The following TMEM184B variants were observed in gnomAD, a reference collection of about 807,000 sequenced individuals.
TMEM184B encodes the protein putative MAPK-activating protein FM08.
In TMEM184B, 17 loss-of-function variants were observed where a neutral mutation model predicts 41.8. The observed-to-expected ratio is 0.41, with a 90% CI of 0.28 to 0.61. The LOEUF (loss-of-function observed/expected upper bound fraction) is 0.61, where lower values mean the gene tolerates loss of function less well. Among genes scored for constraint, TMEM184B ranks in the 20% least tolerant of loss-of-function variants. The pLI is 0.34. For missense variants in TMEM184B, 393 were observed against 557.8 expected (o/e 0.70, Z 2.98); for synonymous variants, 240 against 229.5 (o/e 1.05, Z -0.41).
chr22:38,250,981 G>C (rs1052813768), intron 1 of TMEM184B, among the ~76,000 whole-genome samples: 2 of 152,124 alleles, frequency 1.3e-5, no homozygotes, highest in Non-Finnish European at 1.5e-5. Flanking sequence ...AGGACTCAAG[G>C]CCAGGTCCTA....
chr22:38,230,627 G>A (rs371876462), intron 5 of TMEM184B, 42 bp downstream of exon 5: 102 of 1,582,796 alleles, frequency 6.4e-5, no homozygotes, highest in African/African-American at 5.9e-4. Flanking sequence ...CCCAGACCCC[G>A]CCCTGCTCCT....
intron 1 of TMEM184B, among the ~76,000 whole-genome samples, chr22:38,261,117 T>G (rs2092363292): frequency 6.6e-6 from 1 of 152,204 alleles, no homozygotes; most frequent in African/African-American, 2.4e-5. Flanking sequence ...ACAACGGGAA[T>G]GACAGCCGGC....
At chr22:38,254,955 A>C (rs2092249564) in intron 1 of TMEM184B, among the ~76,000 whole-genome samples, 1 of 150,182 alleles carries the variant, frequency 6.7e-6, no homozygotes, top group Non-Finnish European at 1.5e-5. Context: ...GGGTTCAAGC[A>C]ATTCTCTGCC....
At chr22:38,248,167 G>T in intron 1 of TMEM184B, 148 bp from the exon 2 acceptor site, 1 of 1,089,356 alleles carries the variant, frequency 9.2e-7, no homozygotes, top group Non-Finnish European at 1.3e-6. Context: ...CCCCTGGATT[G>T]ATGCAACAGG....
At chr22:38,223,720 C>T (rs1173167352) in intron 8 of TMEM184B, 1 of 152,410 alleles carries the variant, frequency 6.6e-6, no homozygotes, top group African/African-American at 2.4e-5. Flanking sequence ...CCCCTCTCCC[C>T]AGTCCCTCCT....
chr22:38,248,383 G>A (rs766208468), intron 1 of TMEM184B, among the ~76,000 whole-genome samples: 1 of 152,208 alleles, frequency 6.6e-6, no homozygotes, highest in Non-Finnish European at 1.5e-5. Context: ...AGCTCCTACA[G>A]TTCCCACTTC....
At position 38,241,945 on chromosome 22, in the gene TMEM184B, T is replaced by C. The variant is rs2091919788; in HGVS notation, c.358+3990A>G. Among the ~76,000 whole-genome samples the C allele has an allele frequency of 2.1e-5, 3 of 139,550 alleles. No individual in the cohort carries two copies. The Admixed American group carries it at 2.2e-4, about 10-fold the overall frequency. The allele number at this position is 139,550 out of a possible 152,430, so 91.6% of individuals were successfully genotyped here. ...TCTCTTAAACAAAGCCCTTCCATAG[T>C]AGGAAGTCACCATGTAACATCATAT... On this transcript the variant is annotated intron_variant, in intron 3 of 8. Coordinates refer to ENST00000361906, the MANE Select transcript of TMEM184B (RefSeq NM_012264.5).
rs1469074283 is a variant in TMEM184B, at chr22:38,239,144, A to G, written c.358+6791T>C. On this transcript the variant is annotated intron_variant, in intron 3 of 8. Transcript: ENST00000361906. This position sits in a 1 kb window ranked among gnomAD's most constrained non-coding sequence, Gnocchi z 4.6. ...AACCCCACAATCAAACACTGAATGC[A>G]TATGGGGGGTGGTTCCCACCCTGCC... Among the ~76,000 whole-genome samples, 2 of 152,168 alleles carry G rather than the reference A, an allele frequency of 1.3e-5. No individual in the cohort carries two copies. Among genetic ancestry groups the G allele is most frequent in the South Asian group, 2.1e-4 (1 of 4,828 alleles).
downstream of TMEM184B, among the ~76,000 whole-genome samples, chr22:38,217,456 C>T (rs577226243): frequency 2.0e-3 from 277 of 135,624 alleles, no homozygotes; most frequent in Non-Finnish European, 3.0e-3. Flanking sequence ...CTGGCTAACA[C>T]GGTGAAACCC....
intron 2 of TMEM184B, 140 bp downstream of exon 2, chr22:38,247,630 T>G: frequency 8.9e-7 from 1 of 1,117,616 alleles, no homozygotes; most frequent in Non-Finnish European, 1.2e-6. Flanking sequence ...AGAAGTAGAC[T>G]TCTATCGAGG....
intron 8 of TMEM184B, chr22:38,223,789 A>C (rs1036879329): frequency 2.0e-5 from 3 of 152,848 alleles, no homozygotes; most frequent in African/African-American, 4.8e-5. Context: ...CCCATCCTCC[A>C]AGGACAACCC....
chr22:38,254,579 G>A (rs1373762375), intron 1 of TMEM184B, among the ~76,000 whole-genome samples: 3 of 152,100 alleles, frequency 2.0e-5, no homozygotes, highest in South Asian at 2.1e-4. Flanking sequence ...CAGCCTGGGC[G>A]ACAGAGCAAG....
At chr22:38,247,325 G>C (rs2092055065) in intron 2 of TMEM184B, among the ~76,000 whole-genome samples, 1 of 152,240 alleles carries the variant, frequency 6.6e-6, no homozygotes, top group South Asian at 2.1e-4. Flanking sequence ...GTCACCTCTG[G>C]CTGGAGGTGG....
At position 38,226,082 on chromosome 22, in the gene TMEM184B, T is replaced by A. The variant is rs974111639; in HGVS notation, c.618-489A>T. 6.6e-6 allele frequency among the ~76,000 whole-genome samples: 1 copy of A among 151,794 alleles called. No homozygotes were observed. The highest frequency in any genetic ancestry group is 1.5e-5 in the Non-Finnish European group (1 of 67,920). On this transcript the variant is annotated intron_variant, in intron 6 of 8. Coordinates refer to ENST00000361906, the MANE Select transcript of TMEM184B (RefSeq NM_012264.5). The surrounding 1 kb of genome is among the most constrained non-coding windows in gnomAD (Gnocchi z 4.6). ...AGGGCTAGACACATGGTCACTTTTT[T>A]TTTTTTTTTTTTTAGATATGGAGTT...
chr22:38,245,902 CGCCAGCCCT>C, intron 3 of TMEM184B, 24 bp downstream of exon 3: 12 of 1,438,766 alleles, frequency 8.3e-6, no homozygotes, highest in Admixed American at 1.8e-5. Context: ...CCCAGCCCCC[CGCCAGCCCT>C]CCCCACTCCG....
chr22:38,225,407 G>C lies in TMEM184B; in HGVS notation c.787+17C>G. ...AGGGTGGCATGGGCAGCCTCCAGGT[G>C]CTGGGAGGGGGCTCACCTTGCCAGA... On this transcript the variant is annotated intron_variant, in intron 7 of 8. Transcript: ENST00000361906. This position sits in a 1 kb window ranked among gnomAD's most constrained non-coding sequence, Gnocchi z 4.4. The C allele has an allele frequency of 6.5e-7, 1 of 1,543,012 alleles. No homozygotes were observed. Among genetic ancestry groups the C allele is most frequent in the African/African-American group, 1.4e-5 (1 of 71,528 alleles).
At position 38,245,920 on chromosome 22, in the gene TMEM184B, C is replaced by T. The variant is rs746393329; in HGVS notation, c.358+15G>A. On this transcript the variant is annotated intron_variant, in intron 3 of 8. Transcript: ENST00000361906. ...AGCCCCCCGCCAGCCCTCCCCACTC[C>T]GTCCCCATCCTCACCCTCATAGCAG... The T allele has an allele frequency of 1.6e-5, 26 of 1,600,526 alleles. No individual in the cohort carries two copies. Among genetic ancestry groups the T allele is most frequent in the South Asian group, 7.7e-5 (7 of 90,644 alleles).
At chr22:38,218,441 G>A (rs1449806948), downstream of TMEM184B, among the ~76,000 whole-genome samples, 1 of 152,158 alleles carries the variant, frequency 6.6e-6, no homozygotes, top group Non-Finnish European at 1.5e-5. Context: ...CTGGAGACCT[G>A]TGGGGCTGCA....
downstream of TMEM184B, among the ~76,000 whole-genome samples, chr22:38,217,662 A>G (rs2091165813): frequency 1.3e-5 from 2 of 151,324 alleles, no homozygotes; most frequent in South Asian, 4.2e-4. Context: ...AGAAAAACAA[A>G]ACAAAAAACA....
Sources: allele counts gnomAD v4.1 joint callset (sites outside exome capture counted in the v4.1 genomes callset), GRCh38; gene constraint gnomAD v4.1.1; non-coding constraint Gnocchi (gnomAD v3.1); transcripts MANE v1.5; gene names NCBI Gene and HGNC (gene_info 2026-07-23, HGNC 2026-07-21).